Variants in CDK14 observed in about 807,000 individuals in gnomAD.
CDK14 encodes cyclin dependent kinase 14.
A neutral mutation model predicts 60.7 loss-of-function variants in CDK14; 34 were observed. That is an observed-to-expected ratio of 0.56 (90% CI 0.43 to 0.75). The LOEUF is 0.75. Among genes scored for constraint, CDK14 ranks in the 30% least tolerant of loss-of-function variants. The pLI is 0.00. For missense variants in CDK14, 482 were observed against 564.1 expected, an observed-to-expected ratio of 0.85 and a Z score of 1.47; for synonymous variants, 197 against 203.7, an observed-to-expected ratio of 0.97 and a Z score of 0.28.
At chr7:91,147,987 C>T (rs1800710097) in intron 14 of CDK14, among the ~76,000 whole-genome samples, 1 of 152,166 alleles carries the variant, frequency 6.6e-6, no homozygotes, top group Admixed American at 6.5e-5. Context: ...CATGTATACA[C>T]ACATATGCAT....
intron 2 of CDK14, among the ~76,000 whole-genome samples, chr7:90,722,152 C>A (rs1802480588): frequency 6.6e-6 from 1 of 151,614 alleles, no homozygotes; most frequent in South Asian, 2.1e-4. Flanking sequence ...CCCTCTTCCC[C>A]CTTTTCCATT....
chr7:90,874,111 C>T (rs1791468809), intron 6 of CDK14, among the ~76,000 whole-genome samples: 1 of 152,122 alleles, frequency 6.6e-6, no homozygotes, highest in South Asian at 2.1e-4. Context: ...TTCCTGATTT[C>T]CAGGCATGCC....
At chr7:91,112,253 T>C (rs1219709770) in intron 12 of CDK14, among the ~76,000 whole-genome samples, 2 of 152,216 alleles carry the variant, frequency 1.3e-5, no homozygotes, top group Non-Finnish European at 2.9e-5. Context: ...TGTTGTCTTC[T>C]GAAATTTTCT....
chr7:90,773,515 T>A (rs890211106), intron 4 of CDK14, among the ~76,000 whole-genome samples: 1 of 151,988 alleles, frequency 6.6e-6, no homozygotes, highest in Non-Finnish European at 1.5e-5. Context: ...TTGCTTTTAC[T>A]TTATTTTTAG....
chr7:90,855,503 A>T (rs1341416807), intron 5 of CDK14, among the ~76,000 whole-genome samples: 1 of 152,178 alleles, frequency 6.6e-6, no homozygotes, highest in Non-Finnish European at 1.5e-5. Flanking sequence ...ATGCAGAAAG[A>T]TATATGTAGG....
At chr7:90,647,438 G>T (rs190614777) in intron 2 of CDK14, among the ~76,000 whole-genome samples, 2 of 151,848 alleles carry the variant, frequency 1.3e-5, no homozygotes, top group Non-Finnish European at 2.9e-5. Flanking sequence ...ATTATTAAAA[G>T]AATGATTTCA....
At chr7:90,860,239 C>T (rs1790960798) in intron 5 of CDK14, among the ~76,000 whole-genome samples, 1 of 151,780 alleles carries the variant, frequency 6.6e-6, no homozygotes, top group Non-Finnish European at 1.5e-5. Context: ...AACATTTTCC[C>T]CTGTCTTTCA....
At chr7:91,099,123 T>C (rs184356427) in intron 12 of CDK14, among the ~76,000 whole-genome samples, 3 of 152,290 alleles carry the variant, frequency 2.0e-5, no homozygotes, top group African/African-American at 7.2e-5. Flanking sequence ...TGATGAGATT[T>C]GTAACTTCTC....
intron 11 of CDK14, among the ~76,000 whole-genome samples, chr7:91,046,468 C>T (rs914104943): frequency 6.6e-6 from 1 of 151,956 alleles, no homozygotes; most frequent in Non-Finnish European, 1.5e-5. Context: ...ATATTTAAAC[C>T]TGAACACTGA....
intron 2 of CDK14, among the ~76,000 whole-genome samples, chr7:90,619,796 A>C (rs1233480662): frequency 6.6e-6 from 1 of 152,164 alleles, no homozygotes; most frequent in Admixed American, 6.5e-5. Context: ...AGGAGTTTGA[A>C]ATCAGCCTGG....
intron 11 of CDK14, among the ~76,000 whole-genome samples, chr7:91,060,806 G>A (rs143683782): frequency 0.029 from 4,414 of 152,232 alleles, 103 homozygotes; most frequent in Non-Finnish European, 0.046. Context: ...TGGGTAACCC[G>A]ACCTTTCTCT....
intron 2 of CDK14, among the ~76,000 whole-genome samples, chr7:90,645,721 A>C (rs1800450385): frequency 6.6e-6 from 1 of 152,226 alleles, no homozygotes; most frequent in Non-Finnish European, 1.5e-5. Flanking sequence ...AGTTAGATGA[A>C]CCAAACAGCC....
At chr7:90,922,905 TC>T (rs1316623309) in intron 8 of CDK14, among the ~76,000 whole-genome samples, 13 of 152,088 alleles carry the variant, frequency 8.5e-5, no homozygotes, top group Non-Finnish European at 2.9e-5. Flanking sequence ...TACAGAGAGT[TC>T]CTATATACCC....
chr7:90,737,605 T>C (rs1803175891), intron 3 of CDK14, among the ~76,000 whole-genome samples: 1 of 152,182 alleles, frequency 6.6e-6, no homozygotes, highest in Non-Finnish European at 1.5e-5. Context: ...CCTAGATCTA[T>C]TTTATAACCA....
At chr7:91,112,751 C>T (rs1394319283) in intron 13 of CDK14, 70 bp downstream of exon 13, 15 of 1,497,602 alleles carry the variant, frequency 1.0e-5, no homozygotes, top group Admixed American at 3.4e-5. Context: ...CTGTATGTAA[C>T]GTGTATGCAG....
chr7:90,794,885 T>C (rs1256767162), intron 5 of CDK14, among the ~76,000 whole-genome samples: 1 of 152,194 alleles, frequency 6.6e-6, no homozygotes, highest in Non-Finnish European at 1.5e-5. Flanking sequence ...TAAAGACAGG[T>C]GTAAGAAACT....
Position 90,753,634 on chromosome 7 carries a change from C to A in CDK14, c.464+5859C>A, listed in dbSNP as rs1803936206. 2.6e-5 allele frequency among the ~76,000 whole-genome samples: 4 copies of A among 152,132 alleles called. No individual in the cohort carries two copies. The South Asian group carries it at 8.3e-4, about 31-fold the overall frequency. Reference sequence around the variant, plus strand: ...TAAAACATAGTACCAGAAGTCCTGGCCAGAGCAATCAGGCAAGAGAAAGAA... The same window carrying A: ...TAAAACATAGTACCAGAAGTCCTGGACAGAGCAATCAGGCAAGAGAAAGAA... On this transcript the variant is annotated intron_variant, in intron 4 of 14. Coordinates refer to ENST00000380050, the MANE Select transcript of CDK14 (RefSeq NM_001287135.2).
intron 5 of CDK14, among the ~76,000 whole-genome samples, chr7:90,809,918 A>G (rs1034583156): frequency 6.6e-6 from 1 of 152,224 alleles, no homozygotes; most frequent in Non-Finnish European, 1.5e-5. Flanking sequence ...AGACTAAACC[A>G]GGAAGAAGTT....
At chr7:90,642,290 A>G (rs1177503184) in intron 2 of CDK14, among the ~76,000 whole-genome samples, 1 of 152,232 alleles carries the variant, frequency 6.6e-6, no homozygotes, top group African/African-American at 2.4e-5. Context: ...GAACTGTTGC[A>G]CATATCACCT....
Sources: allele counts gnomAD v4.1 joint callset (sites outside exome capture counted in the v4.1 genomes callset), GRCh38; gene constraint gnomAD v4.1.1; transcripts MANE v1.5; gene names NCBI Gene and HGNC (gene_info 2026-07-23, HGNC 2026-07-21).